ADGRG6: variants seen among roughly 807,000 people sequenced by gnomAD.
ADGRG6 encodes the protein adhesion G protein-coupled receptor G6.
Under a neutral mutation model 142.4 loss-of-function variants are expected in ADGRG6, and 84 were observed. That is an observed-to-expected ratio of 0.59 (90% CI 0.49 to 0.71). The LOEUF (loss-of-function observed/expected upper bound fraction) is 0.71, where lower values mean the gene tolerates loss of function less well. Ranked by LOEUF, ADGRG6 falls within the 30% of genes least tolerant of loss-of-function variation. The pLI is 0.00. For synonymous variants in ADGRG6, 521 were observed against 520.5 expected (o/e 1.00, Z -0.01); for missense variants, 1,367 against 1,466.6 (o/e 0.93, Z 1.11).
intron 14 of ADGRG6, among the ~76,000 whole-genome samples, chr6:142,404,809 T>G (rs1485263794): frequency 2.0e-5 from 3 of 152,140 alleles, no homozygotes; most frequent in Non-Finnish European, 4.4e-5. Flanking sequence ...GATCATACTT[T>G]GAGAACCCGT....
intron 24 of ADGRG6, among the ~76,000 whole-genome samples, chr6:142,441,640 A>G (rs1777760376): frequency 6.6e-6 from 1 of 152,230 alleles, no homozygotes; most frequent in Non-Finnish European, 1.5e-5. Context: ...TGGAAGTTAC[A>G]AAGGAAACAG....
Position 142,444,766 on chromosome 6 carries a change from A to G in ADGRG6, c.*1251A>G, listed in dbSNP as rs553104094. 57 of 152,284 alleles carry G rather than the reference A, an allele frequency of 3.7e-4. No individual in the cohort carries two copies. The highest frequency in any genetic ancestry group is 1.3e-3 in the African/African-American group (54 of 41,564). The allele number at this position is 152,284 out of a possible 1,614,324, so 9.4% of individuals were successfully genotyped here. A position where few individuals can be genotyped will look rare whatever the true frequency, so the allele number is the denominator to read the frequency against. On this transcript the variant is annotated 3_prime_UTR_variant, in exon 25 of 25. Coordinates refer to ENST00000367609, the MANE Select transcript of ADGRG6 (RefSeq NM_198569.3). Reference sequence around the variant, plus strand: ...TATTCTGAGTAATGCTTGCTTGCTAATGAATGTATAGGAGACCACATTGTA... The same window carrying G: ...TATTCTGAGTAATGCTTGCTTGCTAGTGAATGTATAGGAGACCACATTGTA...
chr6:142,399,117 A>G (rs549338233), intron 10 of ADGRG6, among the ~76,000 whole-genome samples: 128 of 152,306 alleles, frequency 8.4e-4, no homozygotes, highest in Non-Finnish European at 1.5e-3. Context: ...GATTAGGTAC[A>G]TTAGTAGAGA....
chr6:142,338,041 G>T lies in ADGRG6; in HGVS notation c.103+28397G>T, dbSNP rs1345066826. Among the ~76,000 whole-genome samples the T allele has an allele frequency of 7.7e-3, 15 of 1,958 alleles. 1 individual carries two copies. The highest frequency in any genetic ancestry group is 0.011 in the African/African-American group (14 of 1,264). The allele number at this position is 1,958 out of a possible 152,430, so 1.3% of individuals were successfully genotyped here. ...TGTTTTTTTTTTTTTTTTTTTTTGA[G>T]ACGGAGTCTCGCTCTGTCACCCAGG... On this transcript the variant is annotated intron_variant, in intron 2 of 24. Coordinates refer to ENST00000367609, the MANE Select transcript of ADGRG6 (RefSeq NM_198569.3).
intron 4 of ADGRG6, among the ~76,000 whole-genome samples, chr6:142,375,750 A>C (rs1236741331): frequency 1.3e-5 from 2 of 152,182 alleles, no homozygotes; most frequent in African/African-American, 4.8e-5. Flanking sequence ...TTAATTTGTG[A>C]TGGAAAAATA....
rs189293378 is a variant in ADGRG6, at chr6:142,434,945, G to A, written c.3320-2489G>A. ...AAACTAAGGGCCGCTTTGAATCTTC[G>A]TATTAAAAAATAAAACATGTAAGCA... On this transcript the variant is annotated intron_variant, in intron 22 of 24. Transcript: ENST00000367609. Among the ~76,000 whole-genome samples, 17 of 152,046 alleles carry A rather than the reference G, an allele frequency of 1.1e-4. No homozygotes were observed. The East Asian group carries it at 1.5e-3, about 14-fold the overall frequency.
Position 142,443,590 on chromosome 6 carries a change from A to G in ADGRG6, c.*75A>G, listed in dbSNP as rs1473125744. 2 of 942,552 alleles carry G rather than the reference A, an allele frequency of 2.1e-6. No homozygotes were observed. Among genetic ancestry groups the G allele is most frequent in the Non-Finnish European group, 3.3e-6 (2 of 610,832 alleles). The allele number at this position is 942,552 out of a possible 1,614,324, so 58.4% of individuals were successfully genotyped here. A position where few individuals can be genotyped will look rare whatever the true frequency, so the allele number is the denominator to read the frequency against. ...CAGTGTAAACTGCAACTAGTGATGTAAATGTGCTATTACCTAGGTAACTGC... is the reference window on the plus strand; with the variant it reads ...CAGTGTAAACTGCAACTAGTGATGTGAATGTGCTATTACCTAGGTAACTGC... On this transcript the variant is annotated 3_prime_UTR_variant, in exon 25 of 25. Transcript: ENST00000367609.
rs1562344297 is a variant in ADGRG6, at chr6:142,370,213, A to G, written c.489A>G (p.Thr163=). 2 of 1,609,022 alleles carry G rather than the reference A, an allele frequency of 1.2e-6. No homozygotes were observed. Among genetic ancestry groups the G allele is most frequent in the Non-Finnish European group, 1.7e-6 (2 of 1,175,610 alleles). ...LRNQKVILPQ[T]SDAYQVSVAK... ...ATCAAAAGGTCATTTTACCCCAGACATCAGATGCTTACCAGGTATCTGTTG... is the reference window on the plus strand; with the variant it reads ...ATCAAAAGGTCATTTTACCCCAGACGTCAGATGCTTACCAGGTATCTGTTG... The change falls in exon 4 of 25, where the codon ACA becomes ACG. Residue 163 remains threonine, a synonymous_variant. Coordinates refer to ENST00000367609, the MANE Select transcript of ADGRG6 (RefSeq NM_198569.3).
rs1197479022 is a variant in ADGRG6, at chr6:142,419,889, T to C, written c.3104T>C (p.Leu1035Pro). ...GGGTATTTTGGAGTCATGTTTTTTC[T>C]GAACATTGCCATGTTCATTGTGGTA... Reference protein sequence around the residue: ...CAGYFGVMFFLNIAMFIVVMV... With the variant: ...CAGYFGVMFFPNIAMFIVVMV... The change falls in exon 22 of 25, where the codon CTG (leucine) becomes CCG (proline). Residue 1035 changes from leucine (L) to proline (P), a missense_variant. Around this residue, in one of 3 missense-constraint regions of ADGRG6, gnomAD observed 344 missense variants for 348.7 expected, o/e 0.99. Coordinates refer to ENST00000367609, the MANE Select transcript of ADGRG6 (RefSeq NM_198569.3). The C allele has an allele frequency of 1.2e-6, 2 of 1,613,230 alleles. No individual in the cohort carries two copies. Among genetic ancestry groups the C allele is most frequent in the African/African-American group, 1.3e-5 (1 of 75,010 alleles).
chr6:142,320,776 A>G (rs1360582105), intron 2 of ADGRG6, among the ~76,000 whole-genome samples: 1 of 152,108 alleles, frequency 6.6e-6, no homozygotes, highest in East Asian at 1.9e-4. Context: ...TTCATTGCAT[A>G]AGTGTGGTAC....
At chr6:142,434,723 T>A (rs2115179817) in intron 22 of ADGRG6, among the ~76,000 whole-genome samples, 1 of 152,238 alleles carries the variant, frequency 6.6e-6, no homozygotes, top group African/African-American at 2.4e-5. Flanking sequence ...TATGTAATGA[T>A]TCTTCAGTAA....
intron 1 of ADGRG6, among the ~76,000 whole-genome samples, chr6:142,307,296 A>G (rs1409883890): frequency 2.0e-5 from 3 of 152,136 alleles, no homozygotes; most frequent in African/African-American, 7.2e-5. Flanking sequence ...TAAGGGTGAC[A>G]GCCAGGTTTG....
intron 4 of ADGRG6, among the ~76,000 whole-genome samples, chr6:142,380,260 G>C (rs1181615453): frequency 6.6e-6 from 1 of 152,078 alleles, no homozygotes; most frequent in Non-Finnish European, 1.5e-5. Context: ...GGGGTGTAAT[G>C]AGGCATGTCC....
rs1776070076 is a variant in ADGRG6, at chr6:142,411,296, C to T, written c.2435-9C>T. 1.3e-6 allele frequency: 2 copies of T among 1,487,620 alleles called. No individual in the cohort carries two copies. Among genetic ancestry groups the T allele is most frequent in the Non-Finnish European group, 9.4e-7 (1 of 1,064,948 alleles). 92.2% of individuals were successfully genotyped at this position (1,487,620 alleles called of 1,614,324 possible). On this transcript the variant is annotated splice_polypyrimidine_tract_variant and intron_variant, in intron 17 of 24. Transcript: ENST00000367609. ...CTGTTTTCACACTGTTTGTTGATTCCTTCAACAGAAAGTTTTGGAGGATGG... is the reference window on the plus strand; with the variant it reads ...CTGTTTTCACACTGTTTGTTGATTCTTTCAACAGAAAGTTTTGGAGGATGG...
At chr6:142,430,486 T>G (rs1312470282) in intron 22 of ADGRG6, among the ~76,000 whole-genome samples, 1 of 152,182 alleles carries the variant, frequency 6.6e-6, no homozygotes, top group Non-Finnish European at 1.5e-5. Context: ...CAGAAAGATA[T>G]GAGAACATCC....
chr6:142,443,382 A>T lies in ADGRG6; in HGVS notation c.3620A>T (p.Asp1207Val), dbSNP rs1449811878. Residue 1207 changes from aspartate to valine, a missense_variant, in exon 25 of 25, where the codon GAT becomes GTT. By Grantham distance (152) the Asp-to-Val change is radical. Coordinates refer to ENST00000367609, the MANE Select transcript of ADGRG6 (RefSeq NM_198569.3). ...TCCTTGTCAAAACTGGCCCATGCTGATGGAGATCAAACATCAATCATCCCT... is the reference window on the plus strand; with the variant it reads ...TCCTTGTCAAAACTGGCCCATGCTGTTGGAGATCAAACATCAATCATCCCT... ...DKSLSKLAHADGDQTSIIPVH... is the reference protein window; with the variant it reads ...DKSLSKLAHAVGDQTSIIPVH... The T allele has an allele frequency of 6.2e-7, 1 of 1,612,742 alleles. No individual in the cohort carries two copies. Among genetic ancestry groups the T allele is most frequent in the Non-Finnish European group, 8.5e-7 (1 of 1,179,052 alleles).
At chr6:142,407,040 AG>A (rs2115036685) in intron 15 of ADGRG6, among the ~76,000 whole-genome samples, 1 of 152,074 alleles carries the variant, frequency 6.6e-6, no homozygotes, top group Admixed American at 6.6e-5. Flanking sequence ...AGTTGTTATT[AG>A]GAAGCATATC....
chr6:142,393,793 C>T (rs1294656586), intron 8 of ADGRG6, 103 bp from the exon 9 acceptor site: 14 of 716,710 alleles, frequency 2.0e-5, no homozygotes, highest in Non-Finnish European at 3.4e-5. Context: ...AAAATATTGG[C>T]TTAGAATTCC....
intron 2 of ADGRG6, among the ~76,000 whole-genome samples, chr6:142,352,632 G>A (rs1185021383): frequency 4.6e-5 from 7 of 152,010 alleles, no homozygotes; most frequent in Non-Finnish European, 8.8e-5. Flanking sequence ...AAATTATCTT[G>A]TAATATTAAC....
Sources: gnomAD v4.1 joint callset for allele counts (sites outside exome capture counted in the v4.1 genomes callset) on GRCh38, gnomAD v4.1.1 for gene constraint, gnomAD v4.1.1 regional missense constraint, MANE v1.5 for transcripts, NCBI Gene and HGNC (gene_info 2026-07-23, HGNC 2026-07-21) for gene names.